The following GGA2 variants were observed in gnomAD, a reference collection of about 807,000 sequenced individuals.
The protein encoded by GGA2 is golgi associated, gamma adaptin ear containing, ARF binding protein 2.
Under a neutral mutation model 79.5 loss-of-function variants are expected in GGA2, and 48 were observed. That is an observed-to-expected ratio of 0.60 (90% confidence interval 0.48 to 0.77). The LOEUF (loss-of-function observed/expected upper bound fraction) is 0.77. Ranked by LOEUF, GGA2 falls within the 30% of genes least tolerant of loss-of-function variation. The pLI is 0.00. For missense variants in GGA2, 770 were observed against 774.0 expected (o/e 0.99, Z 0.06); for synonymous variants, 317 against 302.0 (o/e 1.05, Z -0.51).
At chr16:23,491,582 G>C in intron 5 of GGA2, 95 bp downstream of exon 5, 7 of 1,021,218 alleles carry the variant, frequency 6.9e-6, no homozygotes, top group Non-Finnish European at 1.0e-5. Context: ...TACATAAGAA[G>C]TACAGCTTTC....
At chr16:23,480,002 GC>G in intron 10 of GGA2, 115 bp from the exon 11 acceptor site, 1 of 922,340 alleles carries the variant, frequency 1.1e-6, no homozygotes, top group Non-Finnish European at 1.6e-6. Context: ...CGCCCTCCCT[GC>G]CCTTCCAAGA....
intron 2 of GGA2, among the ~76,000 whole-genome samples, chr16:23,515,573 C>CAAAA (rs57148954): frequency 1.8e-5 from 2 of 111,434 alleles, no homozygotes; most frequent in African/African-American, 3.5e-5. Context: ...CTCCAGCCTG[C>CAAAA]AAAAAAAAAA....
intron 12 of GGA2, 30 bp from the exon 13 acceptor site, chr16:23,478,531 C>T: frequency 1.3e-6 from 2 of 1,599,450 alleles, no homozygotes; most frequent in Middle Eastern, 1.7e-4. Flanking sequence ...TAAAATAAGA[C>T]CAGGGTATGA....
intron 3 of GGA2, chr16:23,494,084 C>T: frequency 1.7e-6 from 1 of 574,438 alleles, no homozygotes; most frequent in Non-Finnish European, 3.1e-6. Context: ...CCTTCTCCCA[C>T]AGTAGACTCA....
At chr16:23,500,621 G>C (rs1331936418) in intron 1 of GGA2, among the ~76,000 whole-genome samples, 1 of 152,150 alleles carries the variant, frequency 6.6e-6, no homozygotes, top group Non-Finnish European at 1.5e-5. Flanking sequence ...GAGCAGAGGC[G>C]TCGCAGATGG....
intron 1 of GGA2, among the ~76,000 whole-genome samples, chr16:23,520,066 G>A (rs572849999): frequency 2.9e-3 from 436 of 152,148 alleles, no homozygotes; most frequent in Non-Finnish European, 3.9e-3. Flanking sequence ...GATCCACATG[G>A]AGAAACCCCG....
At chr16:23,492,377 G>T (rs182745738) in intron 4 of GGA2, among the ~76,000 whole-genome samples, 1 of 152,184 alleles carries the variant, frequency 6.6e-6, no homozygotes, top group Non-Finnish European at 1.5e-5. Flanking sequence ...GTGTGAACTA[G>T]AGATTGAGTT....
chr16:23,501,097 T>C, intron 1 of GGA2: 1 of 383,898 alleles, frequency 2.6e-6, no homozygotes, highest in Admixed American at 3.3e-5. Context: ...GACAAGCCAA[T>C]ACACCCACTT....
At position 23,470,049 on chromosome 16, in the gene GGA2, T is replaced by C; in HGVS notation, c.1567A>G (p.Ser523Gly). The change falls in exon 15 of 17, where the codon AGC (serine) becomes GGC (glycine). Residue 523 changes from serine to glycine, a missense_variant. Transcript: ENST00000309859. ...TCCCAGACAGGCTGGGGAGCCGTGC[T>C]CATCATGGTCAAGAGCAGCACCTGT... is the stretch of plus-strand genomic sequence containing the variant. Reference protein sequence around the residue: ...EVQVLLLTMMSTAPQPVWDIM... With the variant: ...EVQVLLLTMMGTAPQPVWDIM... 6.2e-7 allele frequency: 1 copy of C among 1,605,028 alleles called. No individual in the cohort carries two copies. Among genetic ancestry groups the C allele is most frequent in the Non-Finnish European group, 8.5e-7 (1 of 1,175,968 alleles).
At chr16:23,509,806 C>A (rs2142146879) in intron 1 of GGA2, among the ~76,000 whole-genome samples, 1 of 150,342 alleles carries the variant, frequency 6.7e-6, no homozygotes, top group East Asian at 2.0e-4. Flanking sequence ...AAAAGTCTGG[C>A]CAAAGTAAAC....
At chr16:23,499,433 C>T (rs1242262594) in intron 1 of GGA2, among the ~76,000 whole-genome samples, 1 of 151,710 alleles carries the variant, frequency 6.6e-6, no homozygotes, top group Non-Finnish European at 1.5e-5. Flanking sequence ...TGTGAGCTAC[C>T]ACACCCGGCC....
chr16:23,512,700 C>CTTT (rs34027000), upstream of GGA2, among the ~76,000 whole-genome samples: 26 of 55,926 alleles, frequency 4.6e-4, no homozygotes, highest in East Asian at 1.3e-3. Context: ...TAAAGAAAAT[C>CTTT]TTTTTTTTTT....
chr16:23,513,785 AAAAAAAAAAAAAAAAGAAAG>A (rs976472312), upstream of GGA2, among the ~76,000 whole-genome samples: 2 of 47,046 alleles, frequency 4.3e-5, no homozygotes, highest in Non-Finnish European at 8.1e-5. Flanking sequence ...CTCTGTCTCA[AAAAAAAAAAAAAAAAGAAAG>A]AAAAAAAGAA....
At chr16:23,507,983 T>C (rs1964991990) in intron 1 of GGA2, among the ~76,000 whole-genome samples, 1 of 151,680 alleles carries the variant, frequency 6.6e-6, no homozygotes, top group South Asian at 2.1e-4. Flanking sequence ...GTTGAAGAAC[T>C]GTGTCCTTGG....
chr16:23,522,049 A>G, upstream of GGA2: 3 of 327,226 alleles, frequency 9.2e-6, no homozygotes, highest in Non-Finnish European at 1.8e-5. Context: ...GAGATGATGG[A>G]CTAAGGCATT....
In GGA2 at chr16:23,467,660, C is replaced by T; in HGVS notation, c.1772G>A (p.Gly591Asp). 1.2e-6 allele frequency: 2 copies of T among 1,609,544 alleles called. No individual in the cohort carries two copies. Among genetic ancestry groups the T allele is most frequent in the Non-Finnish European group, 1.7e-6 (2 of 1,175,870 alleles). ...RLRYKLTFNQGGQPFSEVGEV... is the reference protein window; with the variant it reads ...RLRYKLTFNQDGQPFSEVGEV... Reference sequence around the variant, plus strand: ...TCCTACTTCGCTGAAAGGCTGTCCACCTTGGTTGAATGTCAGCTTGTACCG... The same window carrying T: ...TCCTACTTCGCTGAAAGGCTGTCCATCTTGGTTGAATGTCAGCTTGTACCG... The change falls in exon 17 of 17, where the codon GGT (glycine) becomes GAT (aspartate). Residue 591 changes from glycine (G) to aspartate (D), a missense_variant. Transcript: ENST00000309859.
intron 5 of GGA2, among the ~76,000 whole-genome samples, chr16:23,489,608 G>GA (rs1259897472): frequency 1.3e-4 from 19 of 151,792 alleles, no homozygotes; most frequent in Admixed American, 2.6e-4. Flanking sequence ...GAAATCTAAG[G>GA]AAAAAAACAA....
chr16:23,467,738 G>A (rs754908936), intron 16 of GGA2, 38 bp from the exon 17 acceptor site: 1 of 1,006,274 alleles, frequency 9.9e-7, no homozygotes, highest in Admixed American at 1.7e-5. Flanking sequence ...AATCAGTGGA[G>A]AGCAACCCAG....
At chr16:23,485,750 G>C (rs1596984991) in intron 8 of GGA2, among the ~76,000 whole-genome samples, 1 of 152,202 alleles carries the variant, frequency 6.6e-6, no homozygotes, top group Admixed American at 6.5e-5. Context: ...GGCAAAAATA[G>C]AGGGTTATGT....
Sources: allele counts gnomAD v4.1 joint callset (sites outside exome capture counted in the v4.1 genomes callset), GRCh38; gene constraint gnomAD v4.1.1; transcripts MANE v1.5; gene names NCBI Gene and HGNC (gene_info 2026-07-23, HGNC 2026-07-21).